The following THBS4 variants were observed in gnomAD, a reference collection of about 807,000 sequenced individuals.
THBS4 encodes thrombospondin-4.
THBS4 carries 90 observed loss-of-function variants against 115.7 expected under a neutral mutation model. That is an observed-to-expected ratio of 0.78 (90% CI 0.66 to 0.93). The LOEUF (loss-of-function observed/expected upper bound fraction) is 0.93. THBS4 is among the 40% of genes least tolerant of loss of function. The probability of loss-of-function intolerance (pLI) is 0.00; values close to 1 mark genes in which losing one functional copy is unlikely to be tolerated. For missense variants in THBS4, 1,087 were observed against 1,232.7 expected (o/e 0.88, Z 1.77); for synonymous variants, 460 against 479.3 (o/e 0.96, Z 0.53).
intron 13 of THBS4, among the ~76,000 whole-genome samples, chr5:80,071,482 T>G (rs1485074883): frequency 6.6e-6 from 1 of 152,170 alleles, no homozygotes; most frequent in Non-Finnish European, 1.5e-5. Context: ...CCTTCCCATT[T>G]CTACCTGTCC....
At chr5:80,082,368 G>A (rs1474322967) in intron 20 of THBS4, 38 bp from the exon 21 acceptor site, 9 of 1,609,316 alleles carry the variant, frequency 5.6e-6, no homozygotes, top group Middle Eastern at 1.7e-4. Flanking sequence ...ACCCCGGGTT[G>A]GATTTCATGG....
At position 80,065,448 on chromosome 5, in the gene THBS4, G is replaced by A. The variant is rs145442755; in HGVS notation, c.1165G>A (p.Val389Ile). ...TGATGAGTGTCGAAATGGAGCGTGCGTTCCCAACTCGATCTGCGTTAATAC... is the reference window on the plus strand; with the variant it reads ...TGATGAGTGTCGAAATGGAGCGTGCATTCCCAACTCGATCTGCGTTAATAC... ...DIDECRNGAC[V>I]PNSICVNTLG... Residue 389 changes from valine (V) to isoleucine (I), a missense_variant, in exon 9 of 22, where the codon GTT becomes ATT. By Grantham distance (29) the Val-to-Ile change is conservative (BLOSUM62 3). Coordinates refer to ENST00000350881, the MANE Select transcript of THBS4 (RefSeq NM_003248.6). The A allele has an allele frequency of 2.3e-5, 37 of 1,613,518 alleles. No homozygotes were observed. The highest frequency in any genetic ancestry group is 1.1e-4 in the East Asian group (5 of 44,886).
chr5:80,083,265 GGAGAA>G lies in THBS4; in HGVS notation c.*129_*133del, dbSNP rs1347188620. On this transcript the variant is annotated 3_prime_UTR_variant, in exon 22 of 22. Transcript: ENST00000350881. Reference sequence around the variant, plus strand: ...CGTTTTATGTGAATGTGGCAATAAAGGAGAAGAGATCATTTTTAAAAACCGTGTTG... The same window carrying G: ...CGTTTTATGTGAATGTGGCAATAAAGGAGATCATTTTTAAAAACCGTGTTG... 2.3e-6 allele frequency: 2 copies of G among 851,262 alleles called. No individual in the cohort carries two copies. Among genetic ancestry groups the G allele is most frequent in the African/African-American group, 1.7e-5 (1 of 59,002 alleles). The allele number at this position is 851,262 out of a possible 1,614,324, so 52.7% of individuals were successfully genotyped here.
In THBS4 at chr5:80,060,337, C is replaced by T. The variant is rs147137752; in HGVS notation, c.987+432C>T. Among the ~76,000 whole-genome samples the T allele has an allele frequency of 1.7e-3, 261 of 152,292 alleles. 1 individual carries two copies. Among genetic ancestry groups the T allele is most frequent in the African/African-American group, 6.0e-3 (250 of 41,560 alleles). ...TAAAGGAGCAGAGGGGAATCTCACA[C>T]CAACAAGGGGGAGGCCCTGTAACCT... is the stretch of plus-strand genomic sequence containing the variant. On this transcript the variant is annotated intron_variant, in intron 7 of 21. Transcript: ENST00000350881.
At position 80,076,928 on chromosome 5, in the gene THBS4, A is replaced by G; in HGVS notation, c.1966A>G (p.Lys656Glu). 1 of 1,613,730 alleles carries G rather than the reference A, an allele frequency of 6.2e-7. No homozygotes were observed. The highest frequency in any genetic ancestry group is 8.5e-7 in the Non-Finnish European group (1 of 1,179,824). Residue 656 changes from lysine to glutamate, a missense_variant, in exon 16 of 22, where the codon AAG (lysine) becomes GAG (glutamate). Coordinates refer to ENST00000350881, the MANE Select transcript of THBS4 (RefSeq NM_003248.6). ...TAACAGTGCCCAGCTGGACACCGAT[A>G]AGGATGGAATTGGTGACGAGTGTGA... ...VINSAQLDTD[K>E]DGIGDECDDD...
At chr5:80,045,952 G>A (rs886337716) in intron 2 of THBS4, among the ~76,000 whole-genome samples, 1 of 152,158 alleles carries the variant, frequency 6.6e-6, no homozygotes, top group Non-Finnish European at 1.5e-5. Flanking sequence ...GTGGTCATGT[G>A]CAGAAGATGG....
intron 15 of THBS4, among the ~76,000 whole-genome samples, chr5:80,074,619 T>C (rs980663311): frequency 6.8e-6 from 1 of 147,258 alleles, no homozygotes; most frequent in Admixed American, 6.8e-5. Context: ...GCCACAGCTC[T>C]CTCTCTCTTT....
At chr5:80,063,797 G>A (rs1239623705) in intron 8 of THBS4, among the ~76,000 whole-genome samples, 1 of 152,220 alleles carries the variant, frequency 6.6e-6, no homozygotes, top group African/African-American at 2.4e-5. Flanking sequence ...AACTGAAGTG[G>A]AAGGGAGCCA....
At position 80,035,440 on chromosome 5, in the gene THBS4, C is replaced by G; in HGVS notation, c.-98C>G. The G allele has an allele frequency of 1.2e-6, 1 of 841,196 alleles. No homozygotes were observed. Among genetic ancestry groups the G allele is most frequent in the Non-Finnish European group, 1.6e-6 (1 of 638,362 alleles). 52.1% of individuals were successfully genotyped at this position (841,196 alleles called of 1,614,324 possible). ...AGCACGGGTCACCTGCGGCGCCGGC[C>G]CGGGCGCCGACCGAGGTTCAACGCA... On this transcript the variant is annotated 5_prime_UTR_variant, in exon 1 of 22. Transcript: ENST00000350881. The surrounding 1 kb of genome is among the most constrained non-coding windows in gnomAD (Gnocchi z 4.6).
chr5:80,036,291 C>A, intron 1 of THBS4: 1 of 722,814 alleles, frequency 1.4e-6, no homozygotes, highest in Non-Finnish European at 1.7e-6. Context: ...AACAGAAAAG[C>A]AAATACCATG....
intron 20 of THBS4, among the ~76,000 whole-genome samples, chr5:80,081,098 G>A (rs1422787675): frequency 6.6e-6 from 1 of 152,070 alleles, no homozygotes; most frequent in African/African-American, 2.4e-5. Flanking sequence ...ATTTGAACTT[G>A]CAGATCAACA....
intron 2 of THBS4, 94 bp from the exon 3 acceptor site, chr5:80,055,691 G>A (rs1445187575): frequency 4.6e-6 from 7 of 1,517,262 alleles, no homozygotes; most frequent in Non-Finnish European, 5.3e-6. Flanking sequence ...CCAGGAGGCT[G>A]TTCAGCACAG....
chr5:80,030,402 C>G (rs1205433686), upstream of THBS4, among the ~76,000 whole-genome samples: 1 of 151,930 alleles, frequency 6.6e-6, no homozygotes, highest in African/African-American at 2.4e-5. Context: ...GAGTCTCACA[C>G]TGTTGCCTGG....
upstream of THBS4, among the ~76,000 whole-genome samples, chr5:80,031,573 C>T (rs1025739241): frequency 6.6e-6 from 1 of 152,220 alleles, no homozygotes; most frequent in African/African-American, 2.4e-5. Flanking sequence ...CTTGCCTGAA[C>T]TCATTCATCT....
At chr5:80,077,484 A>C (rs552647099) in intron 16 of THBS4, among the ~76,000 whole-genome samples, 38 of 152,334 alleles carry the variant, frequency 2.5e-4, no homozygotes, top group Non-Finnish European at 4.6e-4. Context: ...TGCCAGGCAG[A>C]TAAGAAAATG....
chr5:80,002,288 C>T (rs915327656), intron 2 of THBS4, among the ~76,000 whole-genome samples: 5 of 152,118 alleles, frequency 3.3e-5, no homozygotes, highest in African/African-American at 9.7e-5. Flanking sequence ...CTCAAGGGCA[C>T]CTCTACCAAG....
At chr5:80,006,862 T>G (rs139298908) in intron 2 of THBS4, among the ~76,000 whole-genome samples, 199 of 152,232 alleles carry the variant, frequency 1.3e-3, no homozygotes, top group African/African-American at 4.6e-3. Context: ...TGTAACAAAA[T>G]TACACTTATA....
At chr5:80,041,196 A>G (rs1832890576) in intron 2 of THBS4, among the ~76,000 whole-genome samples, 1 of 152,174 alleles carries the variant, frequency 6.6e-6, no homozygotes, top group South Asian at 2.1e-4. Flanking sequence ...TGGATTGTAG[A>G]TGGCCATCTT....
intron 4 of THBS4, 120 bp from the exon 5 acceptor site, chr5:80,058,588 A>G (rs1293459951): frequency 2.3e-6 from 2 of 872,498 alleles, no homozygotes; most frequent in African/African-American, 1.7e-5. Context: ...ATTAAATTCA[A>G]AGATTCTGGG....
Sources: gnomAD v4.1 joint callset for allele counts (sites outside exome capture counted in the v4.1 genomes callset) on GRCh38, gnomAD v4.1.1 for gene constraint, Gnocchi (gnomAD v3.1) non-coding constraint, MANE v1.5 for transcripts, NCBI Gene and HGNC (gene_info 2026-07-23, HGNC 2026-07-21) for gene names.